The following FDFT1 variants were observed in gnomAD, a reference collection of about 807,000 sequenced individuals.
FDFT1 encodes farnesyl-diphosphate farnesyltransferase 1.
FDFT1 carries 68 observed loss-of-function variants against 46.8 expected under a neutral mutation model. The ratio of observed to expected loss-of-function variants is 1.45; its 90% CI spans 1.19 to 1.78. The LOEUF (loss-of-function observed/expected upper bound fraction) is 1.78. FDFT1 is among the 40% of genes most tolerant of loss of function. The probability of loss-of-function intolerance (pLI) is 0.00; values close to 1 mark genes in which losing one functional copy is unlikely to be tolerated. For synonymous variants in FDFT1, 351 were observed against 185.1 expected (o/e 1.90, Z -7.28); for missense variants, 928 against 524.4 (o/e 1.77, Z -7.52).
intron 3 of FDFT1, among the ~76,000 whole-genome samples, chr8:11,815,985 G>T (rs1464867443): frequency 6.6e-6 from 1 of 152,144 alleles, no homozygotes; most frequent in Non-Finnish European, 1.5e-5. Context: ...TTCTTCTAGG[G>T]TTTTTACGGT....
At chr8:11,837,431 T>A (rs925122194) in intron 7 of FDFT1, among the ~76,000 whole-genome samples, 3 of 152,150 alleles carry the variant, frequency 2.0e-5, no homozygotes, top group African/African-American at 7.2e-5. Context: ...AGGGTTTTAC[T>A]GTGTTGTCCA....
rs531759815 is a variant in FDFT1, at chr8:11,832,551, C to CAAAAAAAAAAAAAAAAAAAA, written c.1032+887_1032+906dup. 1.0e-3 allele frequency among the ~76,000 whole-genome samples: 38 copies of CAAAAAAAAAAAAAAAAAAAA among 36,374 alleles called. 5 individuals carry two copies. Among genetic ancestry groups the CAAAAAAAAAAAAAAAAAAAA allele is most frequent in the South Asian group, 1.7e-3 (1 of 596 alleles). 23.9% of individuals were successfully genotyped at this position (36,374 alleles called of 152,430 possible). A position where few individuals can be genotyped will look rare whatever the true frequency, so the allele number is the denominator to read the frequency against. Reference sequence around the variant, plus strand: ...TGGGTGATAGAGTGAGACTTTGTCTCAAAAAAAAAAAAAAAAAAAAAAAAA... The same window carrying CAAAAAAAAAAAAAAAAAAAA: ...TGGGTGATAGAGTGAGACTTTGTCTCAAAAAAAAAAAAAAAAAAAAAAAAAAAAAAAAAAAAAAAAAAAAA... On this transcript the variant is annotated intron_variant, in intron 7 of 7. Transcript: ENST00000220584.
intron 3 of FDFT1, 97 bp from the exon 4 acceptor site, chr8:11,821,653 C>T (rs1298037319): frequency 1.2e-5 from 17 of 1,369,752 alleles, no homozygotes; most frequent in Non-Finnish European, 1.8e-5. Context: ...TGAACCATTG[C>T]AGTCATGATT....
intron 3 of FDFT1, among the ~76,000 whole-genome samples, chr8:11,816,792 A>G (rs57598819): frequency 0.055 from 8,413 of 152,272 alleles, 418 homozygotes; most frequent in African/African-American, 0.13. Flanking sequence ...GGTTTTCTAA[A>G]TATACAATCA....
At chr8:11,804,932 G>GGA (rs1806635942) in intron 1 of FDFT1, among the ~76,000 whole-genome samples, 3 of 145,526 alleles carry the variant, frequency 2.1e-5, no homozygotes, top group Admixed American at 6.8e-5. Flanking sequence ...TTTTGAGGGG[G>GGA]GGGTCTCACT....
At chr8:11,803,602 C>G in intron 1 of FDFT1, 2 of 625,508 alleles carry the variant, frequency 3.2e-6, no homozygotes, top group Non-Finnish European at 4.4e-6. Flanking sequence ...TGTTTTTATT[C>G]CAACAAGAAA....
In FDFT1 at chr8:11,838,842, G is replaced by C. The variant is rs1811939581; in HGVS notation, c.*233G>C. The C allele has an allele frequency of 1.8e-6, 1 of 549,268 alleles. No individual in the cohort carries two copies. The highest frequency in any genetic ancestry group is 2.0e-5 in the South Asian group (1 of 49,698). The allele number at this position is 549,268 out of a possible 1,614,324, so 34.0% of individuals were successfully genotyped here. The stretch of plus-strand genomic sequence containing the variant: ...GTGGGTGATGATCACTGTGCTGCTT[G>C]TGGCTCATGGCAGAGCATTCAGTGC... On this transcript the variant is annotated 3_prime_UTR_variant, in exon 8 of 8. Coordinates refer to ENST00000220584, the MANE Select transcript of FDFT1 (RefSeq NM_004462.5).
At chr8:11,833,072 C>G (rs1188473542) in intron 7 of FDFT1, among the ~76,000 whole-genome samples, 4 of 152,180 alleles carry the variant, frequency 2.6e-5, no homozygotes, top group Non-Finnish European at 5.9e-5. Flanking sequence ...GAACTTCTAT[C>G]AGAGGCACCT....
chr8:11,805,657 T>TG (rs1806740587), intron 1 of FDFT1, among the ~76,000 whole-genome samples: 3 of 152,186 alleles, frequency 2.0e-5, no homozygotes, highest in Non-Finnish European at 4.4e-5. Context: ...GAAAAGAATT[T>TG]TTTGAGTGTT....
chr8:11,803,393 TC>T, intron 1 of FDFT1: 1 of 1,289,548 alleles, frequency 7.8e-7, no homozygotes, highest in Non-Finnish European at 1.0e-6. Flanking sequence ...TCCGGAGCTC[TC>T]CCCGCCTTGC....
At position 11,822,625 on chromosome 8, in the gene FDFT1, G is replaced by GC. The variant is rs576295722; in HGVS notation, c.510+748dup. Among the ~76,000 whole-genome samples, 262 of 152,296 alleles carry GC rather than the reference G, an allele frequency of 1.7e-3. 2 individuals carry two copies. Among genetic ancestry groups the GC allele is most frequent in the African/African-American group, 6.1e-3 (253 of 41,574 alleles). On this transcript the variant is annotated intron_variant, in intron 4 of 7. Transcript: ENST00000220584. ...GCCCAGGAGTTAGACACAAGCCTAA[G>GC]CAACATAGCGAGACCCCGTCTTTCA...
Position 11,808,878 on chromosome 8 carries a change from G to T in FDFT1, c.184G>T (p.Asp62Tyr), listed in dbSNP as rs754452530. 6.2e-7 allele frequency: 1 copy of T among 1,613,844 alleles called. No homozygotes were observed. Among genetic ancestry groups the T allele is most frequent in the Non-Finnish European group, 8.5e-7 (1 of 1,179,914 alleles). The stretch of plus-strand genomic sequence containing the variant: ...TTTCGCAGCTGTTATCCAGGCGCTG[G>T]ATGGGGAAATGCGGTGAGTGATGGA... ...RSFAAVIQAL[D>Y]GEMRNAVCIF... is the part of the protein sequence containing the mutation. Residue 62 changes from aspartate (D) to tyrosine (Y), a missense_variant, in exon 2 of 8, where the codon GAT (aspartate) becomes TAT (tyrosine). Transcript: ENST00000220584.
intron 7 of FDFT1, among the ~76,000 whole-genome samples, chr8:11,834,501 C>T (rs1811275613): frequency 6.6e-6 from 1 of 152,180 alleles, no homozygotes; most frequent in African/African-American, 2.4e-5. Context: ...GCTCTTTGAG[C>T]CCCAGGTGCC....
chr8:11,805,050 G>A (rs1367779341), intron 1 of FDFT1, among the ~76,000 whole-genome samples: 1 of 151,408 alleles, frequency 6.6e-6, no homozygotes, highest in African/African-American at 2.4e-5. Context: ...GAGTAGCTGG[G>A]ACTCCAGGCA....
At chr8:11,803,398 G>C (rs1215738837) in intron 1 of FDFT1, 21 of 1,289,340 alleles carry the variant, frequency 1.6e-5, no homozygotes, top group Non-Finnish European at 2.0e-5. Flanking sequence ...AGCTCTCCCC[G>C]CCTTGCTGCC....
intron 4 of FDFT1, among the ~76,000 whole-genome samples, chr8:11,823,961 G>C: frequency 6.6e-6 from 1 of 152,010 alleles, no homozygotes. Context: ...GCCTAGGCTG[G>C]TCTTGAGCTC....
At chr8:11,814,790 T>G (rs1457810392) in intron 3 of FDFT1, among the ~76,000 whole-genome samples, 1 of 149,988 alleles carries the variant, frequency 6.7e-6, no homozygotes, top group Non-Finnish European at 1.5e-5. Context: ...ATAATATAAA[T>G]TGGGTAACTA....
At chr8:11,819,670 C>A (rs566454687) in intron 3 of FDFT1, among the ~76,000 whole-genome samples, 1 of 151,918 alleles carries the variant, frequency 6.6e-6, no homozygotes, top group African/African-American at 2.4e-5. Flanking sequence ...TTGTGAAATT[C>A]TTGTACTTTG....
intron 3 of FDFT1, chr8:11,810,078 G>C (rs937950103): frequency 1.2e-5 from 6 of 492,260 alleles, no homozygotes; most frequent in African/African-American, 1.2e-4. Flanking sequence ...GACTCTCTGT[G>C]CCTCAGTTTC....
Sources: gnomAD v4.1 joint callset for allele counts (sites outside exome capture counted in the v4.1 genomes callset) on GRCh38, gnomAD v4.1.1 for gene constraint, MANE v1.5 for transcripts, NCBI Gene and HGNC (gene_info 2026-07-23, HGNC 2026-07-21) for gene names.